WSCD2: variants seen among roughly 807,000 people sequenced by gnomAD.
The protein encoded by WSCD2 is WSC domain sialate O sulfotransferase 2.
A neutral mutation model predicts 55.7 loss-of-function variants in WSCD2; 28 were observed. The ratio of observed to expected loss-of-function variants is 0.50; its 90% CI spans 0.37 to 0.69. The LOEUF (loss-of-function observed/expected upper bound fraction) is 0.69. WSCD2 is among the 30% of genes least tolerant of loss of function. The probability of loss-of-function intolerance (pLI) is 0.00; values close to 1 mark genes in which losing one functional copy is unlikely to be tolerated. For synonymous variants in WSCD2, 301 were observed against 301.9 expected (o/e 1.00, Z 0.03); for missense variants, 616 against 762.1 (o/e 0.81, Z 2.26).
At chr12:108,147,812 AC>A (rs1592885655) in intron 1 of WSCD2, among the ~76,000 whole-genome samples, 1 of 151,920 alleles carries the variant, frequency 6.6e-6, no homozygotes, top group East Asian at 1.9e-4. Context: ...AGCTATGATC[AC>A]ACCACTGCAC....
At chr12:108,220,342 C>G (rs1267532275) in intron 4 of WSCD2, among the ~76,000 whole-genome samples, 1 of 152,190 alleles carries the variant, frequency 6.6e-6, no homozygotes, top group Admixed American at 6.5e-5. Context: ...CTAACTCTTG[C>G]AAGCTGGGTG....
At chr12:108,151,820 C>A (rs1474379107) in intron 1 of WSCD2, among the ~76,000 whole-genome samples, 2 of 152,186 alleles carry the variant, frequency 1.3e-5, no homozygotes, top group Admixed American at 1.3e-4. Flanking sequence ...GGCTAATGAC[C>A]AATTAATTGC....
chr12:108,163,238 G>A (rs923364408), intron 1 of WSCD2, among the ~76,000 whole-genome samples: 9 of 152,038 alleles, frequency 5.9e-5, no homozygotes, highest in East Asian at 5.8e-4. Context: ...GCGTGGTGGC[G>A]GGCACCTGTA....
intron 1 of WSCD2, among the ~76,000 whole-genome samples, chr12:108,132,102 A>G (rs1436844954): frequency 6.6e-6 from 1 of 151,476 alleles, no homozygotes; most frequent in East Asian, 2.0e-4. Flanking sequence ...GAATGATGAA[A>G]TTGTCAGGGA....
At chr12:108,243,780 G>T (rs1036042659) in intron 8 of WSCD2, among the ~76,000 whole-genome samples, 3 of 152,092 alleles carry the variant, frequency 2.0e-5, no homozygotes, top group African/African-American at 7.2e-5. Context: ...GCTGCTTTTG[G>T]ATGCCCTCGG....
At chr12:108,222,133 G>A (rs1452389049) in intron 4 of WSCD2, among the ~76,000 whole-genome samples, 4 of 152,026 alleles carry the variant, frequency 2.6e-5, no homozygotes, top group African/African-American at 4.8e-5. Context: ...TTCTACTCAG[G>A]GAGTTATTCC....
chr12:108,197,111 A>G (rs1884024929), intron 2 of WSCD2: 1 of 144,024 alleles, frequency 6.9e-6, no homozygotes, highest in Non-Finnish European at 1.5e-5. Context: ...AATTCATAAG[A>G]TTAACACAAA....
At chr12:108,167,738 CTT>C (rs1314267145) in intron 1 of WSCD2, among the ~76,000 whole-genome samples, 5 of 152,238 alleles carry the variant, frequency 3.3e-5, no homozygotes, top group African/African-American at 1.2e-4. Flanking sequence ...AATCTAGAAC[CTT>C]TCTCTCCCAG....
At chr12:108,212,399 T>G (rs1013521926) in intron 4 of WSCD2, among the ~76,000 whole-genome samples, 2 of 152,170 alleles carry the variant, frequency 1.3e-5, no homozygotes, top group African/African-American at 4.8e-5. Flanking sequence ...AATTGGACTG[T>G]GTATGTCATT....
At chr12:108,162,346 T>C (rs1879160558) in intron 1 of WSCD2, among the ~76,000 whole-genome samples, 1 of 152,018 alleles carries the variant, frequency 6.6e-6, no homozygotes, top group South Asian at 2.1e-4. Context: ...GACTCACGGG[T>C]GGAATAATCA....
intron 1 of WSCD2, among the ~76,000 whole-genome samples, chr12:108,183,285 C>T (rs1224428692): frequency 6.6e-6 from 1 of 152,216 alleles, no homozygotes; most frequent in Non-Finnish European, 1.5e-5. Context: ...GTATCTCAGG[C>T]AGGTCCCATG....
chr12:108,192,677 C>T (rs1219272703), intron 1 of WSCD2, among the ~76,000 whole-genome samples: 1 of 152,194 alleles, frequency 6.6e-6, no homozygotes, highest in Non-Finnish European at 1.5e-5. Flanking sequence ...TTTCTTACCC[C>T]TCAGTGATGC....
At chr12:108,227,544 T>C (rs1311812624) in intron 6 of WSCD2, among the ~76,000 whole-genome samples, 1 of 152,256 alleles carries the variant, frequency 6.6e-6, no homozygotes, top group Non-Finnish European at 1.5e-5. Context: ...TGTAGACTGT[T>C]GGCCTCCAGT....
intron 1 of WSCD2, among the ~76,000 whole-genome samples, chr12:108,153,497 T>C (rs1192457072): frequency 1.3e-5 from 2 of 152,158 alleles, no homozygotes; most frequent in African/African-American, 4.8e-5. Flanking sequence ...GGGATGCTGG[T>C]AAGAGTTAGG....
intron 8 of WSCD2, among the ~76,000 whole-genome samples, chr12:108,244,134 G>C (rs1452298259): frequency 6.6e-6 from 1 of 152,222 alleles, no homozygotes; most frequent in Non-Finnish European, 1.5e-5. Flanking sequence ...AGGCTGGCCA[G>C]CCTGTGCCCC....
rs199889302 is a variant in WSCD2, at chr12:108,248,204, G to A, written c.1559G>A (p.Arg520His). The A allele has an allele frequency of 6.2e-6, 10 of 1,614,194 alleles. No individual in the cohort carries two copies. The highest frequency in any genetic ancestry group is 8.5e-6 in the Non-Finnish European group (10 of 1,180,044). Residue 520 changes from arginine (R) to histidine (H), a missense_variant, in exon 9 of 9, where the codon CGC becomes CAC. Around this residue, in one of 3 missense-constraint regions of WSCD2, gnomAD observed 234 missense variants for 264.6 expected, o/e 0.88. Coordinates refer to ENST00000547525, the MANE Select transcript of WSCD2 (RefSeq NM_014653.4). This position sits in a 1 kb window ranked among gnomAD's most constrained non-coding sequence, Gnocchi z 4.3. ...VESQKDGNFK[R>H]SGLRKLEYDP... ...AGCCAGAAGGATGGCAACTTCAAGC[G>A]CTCAGGGCTCCGGAAGCTCGAGTAT...
chr12:108,204,275 C>G lies in WSCD2; in HGVS notation c.383-2014C>G, dbSNP rs564404553. Among the ~76,000 whole-genome samples, 17 of 152,242 alleles carry G rather than the reference C, an allele frequency of 1.1e-4. No homozygotes were observed. In the South Asian group the frequency reaches 3.5e-3, roughly 32 times the overall value. ...GACACACAACCTGTTGATCTGCTGA[C>G]AAAAACTTCAGGCCACCAAAATAAA... On this transcript the variant is annotated intron_variant, in intron 2 of 8. Transcript: ENST00000547525.
rs1875233944 is a variant in WSCD2 at position 108,129,318 on chromosome 12, C to T, written c.-1160C>T. Reference sequence around the variant, plus strand: ...GCGCTGCTGGTGGCGGCGGCGGCAGCGGCGCGGGAGCTAGGGCTGGAGACG... The same window carrying T: ...GCGCTGCTGGTGGCGGCGGCGGCAGTGGCGCGGGAGCTAGGGCTGGAGACG... On this transcript the variant is annotated 5_prime_UTR_variant, in exon 1 of 9. Coordinates refer to ENST00000547525, the MANE Select transcript of WSCD2 (RefSeq NM_014653.4). Among the ~76,000 whole-genome samples the T allele has an allele frequency of 6.6e-6, 1 of 152,050 alleles. No individual in the cohort carries two copies. The highest frequency in any genetic ancestry group is 1.5e-5 in the Non-Finnish European group (1 of 67,960).
rs547579827 is a variant in WSCD2 at position 108,139,915 on chromosome 12, G to T, written c.-552+9989G>T. On this transcript the variant is annotated intron_variant, in intron 1 of 8. Coordinates refer to ENST00000547525, the MANE Select transcript of WSCD2 (RefSeq NM_014653.4). ...AAGCTGAGAAGAGGCACCAGGCTTG[G>T]GTTAGAGAGACCATCAGCTGATCAC... Among the ~76,000 whole-genome samples, 16 of 152,224 alleles carry T rather than the reference G, an allele frequency of 1.1e-4. 1 individual carries two copies. The South Asian group carries it at 3.1e-3, about 30-fold the overall frequency.
Sources: allele counts gnomAD v4.1 joint callset (sites outside exome capture counted in the v4.1 genomes callset), GRCh38; gene constraint gnomAD v4.1.1; regional missense constraint gnomAD v4.1.1; non-coding constraint Gnocchi (gnomAD v3.1); transcripts MANE v1.5; gene names NCBI Gene and HGNC (gene_info 2026-07-23, HGNC 2026-07-21).